FHIT: variants seen among roughly 807,000 people sequenced by gnomAD.
FHIT encodes the protein bis(5'-adenosyl)-triphosphatase.
FHIT carries 19 observed loss-of-function variants against 17.9 expected under a neutral mutation model. That is an observed-to-expected ratio of 1.06 (90% CI 0.74 to 1.56). The LOEUF is 1.56. Among genes scored for constraint, FHIT ranks in the 40% most tolerant of loss-of-function variants. The pLI, the probability that FHIT is intolerant of heterozygous loss-of-function variation, is 0.00. For synonymous variants in FHIT, 81 were observed against 69.7 expected (o/e 1.16, Z -0.81); for missense variants, 248 against 189.2 (o/e 1.31, Z -1.82).
At chr3:61,008,085 G>A (rs73104216) in intron 3 of FHIT, among the ~76,000 whole-genome samples, 10,886 of 152,236 alleles carry the variant, frequency 0.072, 537 homozygotes, top group Middle Eastern at 0.12. Context: ...TCTCCCAAGA[G>A]CCCTCTCTTA....
intron 5 of FHIT, among the ~76,000 whole-genome samples, chr3:60,475,832 T>C (rs7644970): frequency 0.32 from 48,903 of 152,040 alleles, 8,444 homozygotes; most frequent in East Asian, 0.54. Context: ...CAAAATGCAG[T>C]TGCATAACAC....
At chr3:61,206,714 T>C (rs2039246633) in intron 1 of FHIT, among the ~76,000 whole-genome samples, 1 of 151,802 alleles carries the variant, frequency 6.6e-6, no homozygotes, top group South Asian at 2.1e-4. Context: ...TAAGGAGATT[T>C]TGGGCTGAGA....
At chr3:60,084,789 A>C (rs1703429139) in intron 5 of FHIT, among the ~76,000 whole-genome samples, 1 of 152,192 alleles carries the variant, frequency 6.6e-6, no homozygotes. Context: ...ACTGAAATTG[A>C]AATTCAATGA....
At chr3:60,758,279 T>A (rs1699519210) in intron 4 of FHIT, among the ~76,000 whole-genome samples, 1 of 152,224 alleles carries the variant, frequency 6.6e-6, no homozygotes. Flanking sequence ...CAGAAAACGC[T>A]GCAGCTAGCC....
chr3:60,613,160 C>T (rs2038838074), intron 4 of FHIT, among the ~76,000 whole-genome samples: 1 of 152,220 alleles, frequency 6.6e-6, no homozygotes, highest in African/African-American at 2.4e-5. Context: ...CTGCCCCCTC[C>T]TTCCTTATGA....
intron 8 of FHIT, among the ~76,000 whole-genome samples, chr3:59,899,684 AAC>A (rs1291961103): frequency 2.4e-4 from 36 of 151,764 alleles, no homozygotes; most frequent in African/African-American, 6.8e-4. Context: ...AATACAAAAA[AAC>A]AAAAAAAAAA....
rs575300277 is a variant in FHIT at position 60,516,089 on chromosome 3, G to A, written c.103+20771C>T. Among the ~76,000 whole-genome samples the A allele has an allele frequency of 3.3e-5, 5 of 152,254 alleles. No homozygotes were observed. The South Asian group carries it at 1.0e-3, about 32-fold the overall frequency. On this transcript the variant is annotated intron_variant, in intron 5 of 9. Coordinates refer to ENST00000492590, the MANE Select transcript of FHIT (RefSeq NM_002012.4). ...GGGGAAACATACTATGGGTTCAGAG[G>A]ACCTATCCACAAACCTGTTGGTCTC...
chr3:60,230,183 C>A (rs1704423338), intron 5 of FHIT, among the ~76,000 whole-genome samples: 1 of 152,150 alleles, frequency 6.6e-6, no homozygotes, highest in African/African-American at 2.4e-5. Context: ...ACAAGAGCCA[C>A]ACGCGGCCAC....
chr3:60,245,601 G>T (rs1013892571), intron 5 of FHIT, among the ~76,000 whole-genome samples: 8 of 151,910 alleles, frequency 5.3e-5, no homozygotes, highest in African/African-American at 1.9e-4. Context: ...ATTGAAAAAA[G>T]AAACTAGTGA....
chr3:59,983,141 G>A (rs533601486), intron 7 of FHIT, among the ~76,000 whole-genome samples: 15 of 151,946 alleles, frequency 9.9e-5, no homozygotes, highest in African/African-American at 2.9e-4. Flanking sequence ...GTTTGGCTAC[G>A]TTGCCCAGGC....
At chr3:60,198,935 C>G (rs997425786) in intron 5 of FHIT, among the ~76,000 whole-genome samples, 1 of 152,118 alleles carries the variant, frequency 6.6e-6, no homozygotes, top group African/African-American at 2.4e-5. Context: ...AGCACAGGAT[C>G]ATTAACATAT....
At chr3:60,338,888 G>T (rs1710374010) in intron 5 of FHIT, among the ~76,000 whole-genome samples, 2 of 152,098 alleles carry the variant, frequency 1.3e-5, no homozygotes, top group African/African-American at 2.4e-5. Flanking sequence ...AATCAGATGG[G>T]CCTGCCTCAA....
intron 3 of FHIT, among the ~76,000 whole-genome samples, chr3:60,844,058 A>T (rs1702837179): frequency 6.6e-6 from 1 of 152,156 alleles, no homozygotes. Context: ...AGCACTTATG[A>T]TTTAATATAA....
intron 5 of FHIT, among the ~76,000 whole-genome samples, chr3:60,391,006 C>A (rs1052641872): frequency 6.6e-6 from 1 of 151,998 alleles, no homozygotes; most frequent in Admixed American, 6.6e-5. Context: ...ATGGTGAAAC[C>A]TTGTGTGTAT....
At chr3:61,197,961 T>C (rs1210017887) in intron 2 of FHIT, among the ~76,000 whole-genome samples, 1 of 152,142 alleles carries the variant, frequency 6.6e-6, no homozygotes, top group East Asian at 1.9e-4. Context: ...TTCAGCAAAA[T>C]AACCCATTTT....
chr3:59,879,804 T>C (rs73839561), intron 8 of FHIT, among the ~76,000 whole-genome samples: 4,765 of 152,298 alleles, frequency 0.031, 261 homozygotes, highest in African/African-American at 0.11. Flanking sequence ...ATGAAGACTC[T>C]GGCTCAGTTA....
intron 8 of FHIT, among the ~76,000 whole-genome samples, chr3:59,795,064 T>C (rs1559612613): frequency 6.6e-6 from 1 of 152,110 alleles, no homozygotes; most frequent in Non-Finnish European, 1.5e-5. Flanking sequence ...GGGTCTAGCA[T>C]ACAGTAAGTT....
At chr3:59,840,815 G>T (rs967491476) in intron 8 of FHIT, among the ~76,000 whole-genome samples, 11 of 152,128 alleles carry the variant, frequency 7.2e-5, no homozygotes, top group African/African-American at 2.7e-4. Context: ...CTGGGACCTT[G>T]GGCACCTCAG....
At chr3:60,347,950 G>A (rs1710880508) in intron 5 of FHIT, among the ~76,000 whole-genome samples, 1 of 151,962 alleles carries the variant, frequency 6.6e-6, no homozygotes, top group South Asian at 2.1e-4. Flanking sequence ...CTAAAGACGA[G>A]GTTTCACCAT....
Sources: gnomAD v4.1 joint callset for allele counts (sites outside exome capture counted in the v4.1 genomes callset) on GRCh38, gnomAD v4.1.1 for gene constraint, MANE v1.5 for transcripts, NCBI Gene and HGNC (gene_info 2026-07-23, HGNC 2026-07-21) for gene names.